PLXNA4: variants seen among roughly 807,000 people sequenced by gnomAD.
PLXNA4 encodes the protein plexin-A4.
A neutral mutation model predicts 191.8 loss-of-function variants in PLXNA4; 44 were observed. The ratio of observed to expected loss-of-function variants is 0.23; its 90% CI spans 0.18 to 0.29. The LOEUF (loss-of-function observed/expected upper bound fraction) is 0.29. Ranked by LOEUF, PLXNA4 falls within the 10% of genes least tolerant of loss-of-function variation. The pLI, the probability that PLXNA4 is intolerant of heterozygous loss-of-function variation, is 1.00. For synonymous variants in PLXNA4, 1,082 were observed against 1,009.5 expected (o/e 1.07, Z -1.36); for missense variants, 1,800 against 2,488.8 (o/e 0.72, Z 5.89).
At chr7:132,156,548 A>G (rs931012516) in intron 25 of PLXNA4, among the ~76,000 whole-genome samples, 3 of 152,214 alleles carry the variant, frequency 2.0e-5, no homozygotes, top group African/African-American at 7.2e-5. Context: ...GAGGGAAGGC[A>G]GCCTTTGCTG....
chr7:132,598,972 G>C (rs115313216), intron 2 of PLXNA4, among the ~76,000 whole-genome samples: 4 of 152,190 alleles, frequency 2.6e-5, no homozygotes, highest in African/African-American at 4.8e-5. Context: ...GGGAACTAGT[G>C]TAATGGTTAT....
chr7:132,403,227 G>A (rs1278361109), intron 3 of PLXNA4, among the ~76,000 whole-genome samples: 1 of 152,242 alleles, frequency 6.6e-6, no homozygotes, highest in Non-Finnish European at 1.5e-5. Context: ...GTCCACAAAA[G>A]CAGCAGGGAA....
chr7:132,529,662 G>A (rs187591943), intron 1 of PLXNA4, among the ~76,000 whole-genome samples: 26 of 149,220 alleles, frequency 1.7e-4, no homozygotes, highest in Admixed American at 1.3e-3. Context: ...CTGGAGTGCA[G>A]TGGTGCGATC....
intron 1 of PLXNA4, among the ~76,000 whole-genome samples, chr7:132,518,307 A>G (rs1799023154): frequency 6.6e-6 from 1 of 152,210 alleles, no homozygotes; most frequent in Non-Finnish European, 1.5e-5. Context: ...GGAAAAGTCA[A>G]GTCAAAGCAA....
chr7:132,470,717 T>C (rs1796901788), intron 3 of PLXNA4, among the ~76,000 whole-genome samples: 1 of 152,130 alleles, frequency 6.6e-6, no homozygotes, highest in African/African-American at 2.4e-5. Context: ...GAGACTTGAC[T>C]ATGAAAGAAA....
intron 1 of PLXNA4, among the ~76,000 whole-genome samples, chr7:132,570,963 C>T (rs1801951006): frequency 6.6e-6 from 1 of 152,202 alleles, no homozygotes; most frequent in Non-Finnish European, 1.5e-5. Flanking sequence ...ACTGCTGCCT[C>T]AGAGGGGAGG....
At chr7:132,580,532 A>G (rs1378620312), upstream of PLXNA4, among the ~76,000 whole-genome samples, 1 of 152,178 alleles carries the variant, frequency 6.6e-6, no homozygotes, top group Non-Finnish European at 1.5e-5. Context: ...TGCTTCAGAG[A>G]GTCCTGTTTT....
intron 3 of PLXNA4, among the ~76,000 whole-genome samples, chr7:132,481,848 G>T (rs140478395): frequency 6.6e-6 from 1 of 152,266 alleles, no homozygotes; most frequent in Non-Finnish European, 1.5e-5. Context: ...TGAGCCCCCA[G>T]GCCTCCTTGT....
intron 3 of PLXNA4, among the ~76,000 whole-genome samples, chr7:132,310,641 C>A (rs561342549): frequency 4.6e-5 from 7 of 152,308 alleles, no homozygotes; most frequent in Admixed American, 3.9e-4. Context: ...CAGGAAGCCC[C>A]GTGGGTCTGT....
intron 1 of PLXNA4, among the ~76,000 whole-genome samples, chr7:132,537,953 TC>T: frequency 6.6e-6 from 1 of 151,850 alleles, no homozygotes; most frequent in Non-Finnish European, 1.5e-5. Flanking sequence ...GAGGGGAAAA[TC>T]CCCCAGCACA....
chr7:132,632,232 T>A (rs1052890457), intron 2 of PLXNA4, among the ~76,000 whole-genome samples: 5 of 76,250 alleles, frequency 6.6e-5, no homozygotes, highest in South Asian at 5.8e-4. Flanking sequence ...CTAGACTCCA[T>A]CTCAAAAAAA....
At chr7:132,183,202 ATGCGCGCACACACGCATG>A (rs1238338044) in intron 16 of PLXNA4, among the ~76,000 whole-genome samples, 2 of 152,144 alleles carry the variant, frequency 1.3e-5, no homozygotes, top group African/African-American at 4.8e-5. Context: ...CCTTGCTCAC[ATGCGCGCACACACGCATG>A]TGCGTGCACA....
At chr7:132,337,330 C>T (rs1435218190) in intron 3 of PLXNA4, among the ~76,000 whole-genome samples, 7 of 152,214 alleles carry the variant, frequency 4.6e-5, no homozygotes, top group Non-Finnish European at 1.5e-5. Flanking sequence ...CTTCCCATGT[C>T]CACACATGTC....
intron 3 of PLXNA4, among the ~76,000 whole-genome samples, chr7:132,386,008 A>G (rs892103338): frequency 1.3e-5 from 2 of 152,158 alleles, no homozygotes; most frequent in Admixed American, 6.5e-5. Flanking sequence ...TTTCTCTGTG[A>G]TTTTTAAACT....
intron 4 of PLXNA4, among the ~76,000 whole-genome samples, chr7:132,276,370 ATAG>A (rs1380744259): frequency 6.6e-6 from 1 of 152,146 alleles, no homozygotes; most frequent in Non-Finnish European, 1.5e-5. Context: ...AAAATAAAGT[ATAG>A]CATATCATTA....
intron 10 of PLXNA4, among the ~76,000 whole-genome samples, chr7:132,207,186 G>A (rs1797653247): frequency 6.6e-6 from 1 of 152,152 alleles, no homozygotes; most frequent in Non-Finnish European, 1.5e-5. Flanking sequence ...TAGTCCAGAG[G>A]GCTCTGCTGA....
chr7:132,611,558 G>A (rs1024494351), intron 2 of PLXNA4, among the ~76,000 whole-genome samples: 8 of 152,184 alleles, frequency 5.3e-5, no homozygotes, highest in Admixed American at 2.6e-4. Flanking sequence ...CTGTGCCCAC[G>A]TCATAACGTG....
At chr7:132,558,003 C>T (rs1450858468) in intron 1 of PLXNA4, among the ~76,000 whole-genome samples, 1 of 152,084 alleles carries the variant, frequency 6.6e-6, no homozygotes, top group African/African-American at 2.4e-5. Context: ...GTGTCTAAGA[C>T]AATGCCTGCT....
intron 1 of PLXNA4, among the ~76,000 whole-genome samples, chr7:132,537,524 C>T (rs1799898619): frequency 6.6e-6 from 1 of 152,196 alleles, no homozygotes; most frequent in Admixed American, 6.5e-5. Flanking sequence ...TTAAGATGTG[C>T]TTTAAGGGCT....
Sources: gnomAD v4.1 joint callset for allele counts (sites outside exome capture counted in the v4.1 genomes callset) on GRCh38, gnomAD v4.1.1 for gene constraint, MANE v1.5 for transcripts, NCBI Gene and HGNC (gene_info 2026-07-23, HGNC 2026-07-21) for gene names.